OSBPL6: variants seen among roughly 807,000 people sequenced by gnomAD.
OSBPL6 encodes oxysterol-binding protein-related protein 6.
In OSBPL6, 49 loss-of-function variants were observed where a neutral mutation model predicts 125.8. The observed-to-expected ratio is 0.39, with a 90% CI of 0.31 to 0.49. OSBPL6 has a LOEUF of 0.49. Among genes scored for constraint, OSBPL6 ranks in the 20% least tolerant of loss-of-function variants. OSBPL6 has a pLI of 0.88. For synonymous variants in OSBPL6, 394 were observed against 391.8 expected (o/e 1.01, Z -0.07); for missense variants, 986 against 1,135.4 (o/e 0.87, Z 1.89).
chr2:178,328,064 G>T (rs773733126), intron 4 of OSBPL6, among the ~76,000 whole-genome samples, 192 bp from the exon 5 acceptor site: 4 of 152,130 alleles, frequency 2.6e-5, no homozygotes, highest in South Asian at 2.1e-4. Context: ...AGGTCTACCT[G>T]GGAAACTCTT....
intron 1 of OSBPL6, among the ~76,000 whole-genome samples, chr2:178,260,104 C>T (rs2092010277): frequency 6.6e-6 from 1 of 152,208 alleles, no homozygotes; most frequent in Admixed American, 6.5e-5. Flanking sequence ...AAGGCCTCAG[C>T]TACCTGCTGC....
intron 2 of OSBPL6, among the ~76,000 whole-genome samples, chr2:178,304,965 T>G (rs1286615947): frequency 6.6e-6 from 1 of 152,204 alleles, no homozygotes; most frequent in Non-Finnish European, 1.5e-5. Context: ...CTCCATCTTT[T>G]TTTGTTTATC....
intron 12 of OSBPL6, among the ~76,000 whole-genome samples, chr2:178,349,596 A>G (rs1691048707): frequency 6.6e-6 from 1 of 152,210 alleles, no homozygotes; most frequent in Non-Finnish European, 1.5e-5. Flanking sequence ...TTTTGACTAA[A>G]GAAAGAAAGT....
rs1035855962 is a variant in OSBPL6 at position 178,402,354 on chromosome 2, G to A, written c.*6795G>A. 1.8e-4 allele frequency: 28 copies of A among 152,200 alleles called. No individual in the cohort carries two copies. Among genetic ancestry groups the A allele is most frequent in the African/African-American group, 6.8e-4 (28 of 41,430 alleles). 9.4% of individuals were successfully genotyped at this position (152,200 alleles called of 1,614,324 possible). A position where few individuals can be genotyped will look rare whatever the true frequency, so the allele number is the denominator to read the frequency against. On this transcript the variant is annotated 3_prime_UTR_variant, in exon 25 of 25. Transcript: ENST00000190611. ...CCAGAAGTTTACTCTTCAAAGCCAA[G>A]AATCAGTACCCCCACCTCACCTTCC...
chr2:178,272,801 A>C (rs1246621748), intron 1 of OSBPL6, among the ~76,000 whole-genome samples: 1 of 152,234 alleles, frequency 6.6e-6, no homozygotes, highest in Non-Finnish European at 1.5e-5. Flanking sequence ...TGTAGCAAAA[A>C]GCATGAGCAC....
At chr2:178,320,825 C>G (rs1688171210) in intron 3 of OSBPL6, among the ~76,000 whole-genome samples, 1 of 152,156 alleles carries the variant, frequency 6.6e-6, no homozygotes, top group African/African-American at 2.4e-5. Context: ...GGCTTTTTAA[C>G]TGTTTTCAAA....
intron 1 of OSBPL6, among the ~76,000 whole-genome samples, chr2:178,254,108 CT>C (rs1256469774): frequency 6.6e-6 from 1 of 152,006 alleles, no homozygotes; most frequent in Non-Finnish European, 1.5e-5. Flanking sequence ...AAATAAATTC[CT>C]TTGGCCGGGT....
At chr2:178,287,297 C>G (rs551979563) in intron 2 of OSBPL6, among the ~76,000 whole-genome samples, 16 of 152,266 alleles carry the variant, frequency 1.1e-4, no homozygotes, top group African/African-American at 3.9e-4. Context: ...CCCCTAGATA[C>G]ATCAGACACA....
chr2:178,307,835 G>A (rs900553108), intron 3 of OSBPL6, among the ~76,000 whole-genome samples: 9 of 152,086 alleles, frequency 5.9e-5, no homozygotes, highest in African/African-American at 1.2e-4. Flanking sequence ...TGGTAAAGAC[G>A]GATGACTCCT....
At chr2:178,293,623 A>G (rs1685477748) in intron 2 of OSBPL6, among the ~76,000 whole-genome samples, 1 of 152,118 alleles carries the variant, frequency 6.6e-6, no homozygotes, top group African/African-American at 2.4e-5. Context: ...TCAATCATGT[A>G]TCCTTTGTGT....
In OSBPL6 at chr2:178,336,434, G is replaced by C; in HGVS notation, c.790+1G>C. ...GAAGAGATGGACAGGTGTGCAGAAG[G>C]TTAGTTCTTGCCCAGTGTGGCCTGA... On this transcript the variant is annotated splice_donor_variant, in intron 9 of 24. Transcript: ENST00000190611. LOFTEE classifies it high-confidence loss of function. 1 of 1,613,582 alleles carries C rather than the reference G, an allele frequency of 6.2e-7. No individual in the cohort carries two copies. The highest frequency in any genetic ancestry group is 1.3e-5 in the African/African-American group (1 of 75,010).
intron 1 of OSBPL6, among the ~76,000 whole-genome samples, chr2:178,207,335 C>G (rs1250808522): frequency 6.6e-6 from 1 of 152,108 alleles, no homozygotes; most frequent in Non-Finnish European, 1.5e-5. Flanking sequence ...TTTTCTTTGT[C>G]TGTGTCAGAA....
chr2:178,239,195 TTA>T (rs1417847072), intron 1 of OSBPL6, among the ~76,000 whole-genome samples: 1 of 152,190 alleles, frequency 6.6e-6, no homozygotes, highest in Non-Finnish European at 1.5e-5. Flanking sequence ...CAAAATATGT[TTA>T]TTAATAAATT....
chr2:178,308,079 T>G (rs1450110251), intron 3 of OSBPL6, among the ~76,000 whole-genome samples: 2 of 152,208 alleles, frequency 1.3e-5, no homozygotes, highest in African/African-American at 4.8e-5. Flanking sequence ...CAAAGGGTTA[T>G]TATTCTTTAA....
At position 178,372,211 on chromosome 2, in the gene OSBPL6, ATAT is replaced by A. The variant is rs760122298; in HGVS notation, c.1378_1380del (p.Ile460del). On this transcript the variant is annotated inframe_deletion, in exon 14 of 25. Transcript: ENST00000190611. ...ATTTGTGATCAGGTTGTCAGTGTAAATATTATTCCTAGCCCTGATGAGGTAAGA... is the reference window on the plus strand; with the variant it reads ...ATTTGTGATCAGGTTGTCAGTGTAAATATTCCTAGCCCTGATGAGGTAAGA... 1 of 1,612,592 alleles carries A rather than the reference ATAT, an allele frequency of 6.2e-7. No homozygotes were observed. The highest frequency in any genetic ancestry group is 8.5e-7 in the Non-Finnish European group (1 of 1,179,088).
intron 12 of OSBPL6, among the ~76,000 whole-genome samples, chr2:178,354,009 T>C (rs1691536839): frequency 6.6e-6 from 1 of 152,036 alleles, no homozygotes; most frequent in African/African-American, 2.4e-5. Context: ...GAAAGAGAAA[T>C]AAAATCCTTT....
intron 11 of OSBPL6, 27 bp downstream of exon 11, chr2:178,339,791 A>G (rs1417805404): frequency 6.5e-7 from 1 of 1,535,626 alleles, no homozygotes; most frequent in Non-Finnish European, 8.8e-7. Flanking sequence ...TCCTTCATTC[A>G]CGTTTCTACA....
intron 3 of OSBPL6, among the ~76,000 whole-genome samples, chr2:178,313,274 G>C (rs1687453499): frequency 6.6e-6 from 1 of 152,212 alleles, no homozygotes; most frequent in Non-Finnish European, 1.5e-5. Context: ...TTATGCCCAA[G>C]GATCTGCATT....
At chr2:178,291,665 T>TCTTCCTTCCTTCCTTC (rs71023439) in intron 2 of OSBPL6, among the ~76,000 whole-genome samples, 1,477 of 135,480 alleles carry the variant, frequency 0.011, 18 homozygotes, top group African/African-American at 0.017. Flanking sequence ...ACAGGTAGTC[T>TCTTCCTTCCTTCCTTC]CTTCCTTCCT....
Sources: allele counts gnomAD v4.1 joint callset (sites outside exome capture counted in the v4.1 genomes callset), GRCh38; gene constraint gnomAD v4.1.1; transcripts MANE v1.5; gene names NCBI Gene and HGNC (gene_info 2026-07-23, HGNC 2026-07-21).